DOCK3: variants seen among roughly 807,000 people sequenced by gnomAD.
DOCK3 encodes dedicator of cytokinesis 3, also known as dedicator of cytokinesis protein 3.
A neutral mutation model predicts 265.6 loss-of-function variants in DOCK3; 60 were observed. The ratio of observed to expected loss-of-function variants is 0.23; its 90% CI spans 0.18 to 0.28. The LOEUF is 0.28. Ranked by LOEUF, DOCK3 falls within the 10% of genes least tolerant of loss-of-function variation. DOCK3 has a pLI of 1.00. For missense variants in DOCK3, 1,981 were observed against 2,594.3 expected, an observed-to-expected ratio of 0.76 and a Z score of 5.14; for synonymous variants, 881 against 938.0, an observed-to-expected ratio of 0.94 and a Z score of 1.11.
rs529202145 is a variant in DOCK3 at position 51,361,808 on chromosome 3, T to C, written c.5007-51T>C. 5 of 1,590,132 alleles carry C rather than the reference T, an allele frequency of 3.1e-6. No homozygotes were observed. In the African/African-American group the frequency reaches 6.7e-5, roughly 21 times the overall value. On this transcript the variant is annotated intron_variant, in intron 47 of 52. Transcript: ENST00000266037. This position sits in a 1 kb window ranked among gnomAD's most constrained non-coding sequence, Gnocchi z 4.2. ...CACACATTCCGCTCTACTGTCCCCC[T>C]GCCACCTGCCATGGGCCTGACTCCT...
chr3:51,198,547 A>C (rs2088468765), intron 12 of DOCK3, among the ~76,000 whole-genome samples: 1 of 146,622 alleles, frequency 6.8e-6, no homozygotes. Flanking sequence ...TTTGAATGTG[A>C]TATTATTATT....
chr3:50,978,841 C>G (rs1253597895), intron 5 of DOCK3, among the ~76,000 whole-genome samples: 1 of 152,220 alleles, frequency 6.6e-6, no homozygotes, highest in Non-Finnish European at 1.5e-5. Flanking sequence ...GGGATATAAT[C>G]TTGTGGTGTG....
Position 51,183,695 on chromosome 3 carries a change from G to A in DOCK3, c.1037+22993G>A, listed in dbSNP as rs563660510. Among the ~76,000 whole-genome samples, 3 of 152,140 alleles carry A rather than the reference G, an allele frequency of 2.0e-5. No homozygotes were observed. In the South Asian group the frequency reaches 6.2e-4, roughly 32 times the overall value. On this transcript the variant is annotated intron_variant, in intron 12 of 52. Transcript: ENST00000266037. ...TAGAAGTAAAAATAAAGTTTCACAAGAATTAAACACGAAGGAGCAGTTTAT... is the reference window on the plus strand; with the variant it reads ...TAGAAGTAAAAATAAAGTTTCACAAAAATTAAACACGAAGGAGCAGTTTAT...
chr3:50,733,787 T>C lies in DOCK3; in HGVS notation c.38-44888T>C, dbSNP rs962540522. Among the ~76,000 whole-genome samples the C allele has an allele frequency of 9.3e-4, 25 of 26,916 alleles. 1 individual carries two copies. The highest frequency in any genetic ancestry group is 2.6e-4 in the African/African-American group (1 of 3,776). 17.7% of individuals were successfully genotyped at this position (26,916 alleles called of 152,430 possible). The stretch of plus-strand genomic sequence containing the variant: ...TTTTTTTTTAACTGTTTTGTTGTTC[T>C]ATTTTTTTTTCTCCTCTTTCTGTCT... On this transcript the variant is annotated intron_variant, in intron 1 of 52. Coordinates refer to ENST00000266037, the MANE Select transcript of DOCK3 (RefSeq NM_004947.5).
chr3:50,902,245 A>C (rs1425297542), intron 4 of DOCK3, among the ~76,000 whole-genome samples: 1 of 152,130 alleles, frequency 6.6e-6, no homozygotes, highest in Non-Finnish European at 1.5e-5. Context: ...CATTTTTGTC[A>C]TGAAATCTTT....
chr3:51,215,046 T>C (rs781618213), intron 14 of DOCK3, among the ~76,000 whole-genome samples: 1 of 152,172 alleles, frequency 6.6e-6, no homozygotes, highest in Non-Finnish European at 1.5e-5. Context: ...AAAAGGAGAT[T>C]AGAATGGGTA....
chr3:51,076,442 A>T (rs1390111646), intron 7 of DOCK3, among the ~76,000 whole-genome samples: 2 of 152,226 alleles, frequency 1.3e-5, no homozygotes, highest in Non-Finnish European at 1.5e-5. Flanking sequence ...TATTTAAAAA[A>T]TAAAAAGTAT....
chr3:50,708,898 A>G (rs1391467242), intron 1 of DOCK3, among the ~76,000 whole-genome samples: 1 of 152,148 alleles, frequency 6.6e-6, no homozygotes, highest in Admixed American at 6.5e-5. Context: ...GTGGTTATCT[A>G]CTTAGTGTTT....
chr3:51,153,100 C>T (rs1451517891), intron 10 of DOCK3, among the ~76,000 whole-genome samples: 5 of 152,308 alleles, frequency 3.3e-5, no homozygotes, highest in African/African-American at 1.2e-4. Context: ...ATGCCCTGCC[C>T]GCCTAGGTGG....
intron 12 of DOCK3, among the ~76,000 whole-genome samples, chr3:51,208,460 A>G (rs2089337124): frequency 6.6e-6 from 1 of 152,186 alleles, no homozygotes; most frequent in African/African-American, 2.4e-5. Context: ...GGGCCTGTTT[A>G]TATGTCTGTG....
chr3:50,906,028 T>A (rs2049476501), intron 4 of DOCK3, among the ~76,000 whole-genome samples: 1 of 152,066 alleles, frequency 6.6e-6, no homozygotes, highest in Non-Finnish European at 1.5e-5. Context: ...AATCATGTGG[T>A]TTTTGTCTTT....
intron 5 of DOCK3, among the ~76,000 whole-genome samples, chr3:51,059,441 T>A (rs146740601): frequency 9.3e-4 from 132 of 141,304 alleles, no homozygotes; most frequent in African/African-American, 3.4e-3. Context: ...CATTAGACTT[T>A]GCTAGAAAAA....
At chr3:50,895,129 A>T (rs1157092042) in intron 4 of DOCK3, among the ~76,000 whole-genome samples, 1 of 152,018 alleles carries the variant, frequency 6.6e-6, no homozygotes, top group African/African-American at 2.4e-5. Context: ...ATCAGAAATG[A>T]ATCACATAAA....
At chr3:50,695,710 T>C (rs990166269) in intron 1 of DOCK3, among the ~76,000 whole-genome samples, 3 of 152,186 alleles carry the variant, frequency 2.0e-5, no homozygotes, top group Non-Finnish European at 4.4e-5. Flanking sequence ...ATGGACACAA[T>C]GGGCCTGGTG....
chr3:51,075,490 T>C, intron 7 of DOCK3, 50 bp downstream of exon 7: 1 of 1,433,734 alleles, frequency 7.0e-7, no homozygotes, highest in Non-Finnish European at 9.5e-7. Flanking sequence ...TCATTTTTTC[T>C]CTTTTGTTTA....
chr3:51,351,289 A>G (rs922691458), intron 40 of DOCK3, among the ~76,000 whole-genome samples: 18 of 152,230 alleles, frequency 1.2e-4, no homozygotes, highest in South Asian at 8.3e-4. Context: ...AGCCTCAGCA[A>G]GTAGCTGGGA....
chr3:51,115,572 A>C (rs147794424), intron 9 of DOCK3, among the ~76,000 whole-genome samples: 4 of 152,118 alleles, frequency 2.6e-5, no homozygotes, highest in East Asian at 3.9e-4. Context: ...AGATGGGAAA[A>C]ATTTTCCCCA....
At chr3:50,710,230 A>G (rs2036668069) in intron 1 of DOCK3, among the ~76,000 whole-genome samples, 1 of 152,194 alleles carries the variant, frequency 6.6e-6, no homozygotes, top group Non-Finnish European at 1.5e-5. Context: ...TAAACAGACA[A>G]CCCAGAGAAT....
At chr3:51,272,816 G>A (rs544483982) in intron 24 of DOCK3, among the ~76,000 whole-genome samples, 1 of 151,850 alleles carries the variant, frequency 6.6e-6, no homozygotes, top group South Asian at 2.1e-4. Context: ...AATGGTTTGG[G>A]GCACACTGTC....
Sources: allele counts gnomAD v4.1 joint callset (sites outside exome capture counted in the v4.1 genomes callset), GRCh38; gene constraint gnomAD v4.1.1; non-coding constraint Gnocchi (gnomAD v3.1); transcripts MANE v1.5; gene names NCBI Gene and HGNC (gene_info 2026-07-23, HGNC 2026-07-21).